H2BK1: variants seen among roughly 807,000 people sequenced by gnomAD.
H2BK1 encodes the protein histone H2B type 2-K1.
At chr7:151,207,946 C>T in the H2BK1 span, 27 of 1,303,858 alleles carry the variant, frequency 2.1e-5, no homozygotes, top group Middle Eastern at 1.3e-3. Flanking sequence ...CCCCAGGCAG[C>T]AGCAGACGCA....
the H2BK1 span, among the ~76,000 whole-genome samples, chr7:151,209,324 TCCCAGGCA>T: frequency 6.8e-6 from 1 of 147,448 alleles, no homozygotes; most frequent in Non-Finnish European, 1.5e-5. Context: ...ACAAGAGCAT[TCCCAGGCA>T]CCCAGGTTGT....
At chr7:151,208,153 A>C in the H2BK1 span, 36 of 927,652 alleles carry the variant, frequency 3.9e-5, no homozygotes, top group Non-Finnish European at 6.0e-5. Context: ...GGGCCAGGGG[A>C]GGGGGGGTCC....
chr7:151,210,425 G>T, the H2BK1 span: 4 of 360,814 alleles, frequency 1.1e-5, no homozygotes, highest in Admixed American at 4.7e-5. Flanking sequence ...AGGGGGGGGG[G>T]GGGCAGGTGG....
the H2BK1 span, chr7:151,208,193 T>TG: frequency 3.5e-6 from 5 of 1,418,544 alleles, no homozygotes; most frequent in East Asian, 6.9e-5. Context: ...AGCCCTGAGC[T>TG]GGGGGCTCTA....
the H2BK1 span, chr7:151,210,152 G>A: frequency 6.0e-5 from 24 of 398,782 alleles, no homozygotes; most frequent in Admixed American, 7.9e-4. Context: ...GCTTTGTGAG[G>A]GCATCCCTCA....
chr7:151,208,177 A>G, the H2BK1 span: 1 of 1,522,374 alleles, frequency 6.6e-7, no homozygotes, highest in East Asian at 2.3e-5. Flanking sequence ...CTACACTGCA[A>G]GCCTCAGCCC....
chr7:151,210,065 A>G, the H2BK1 span: 1 of 395,954 alleles, frequency 2.5e-6, no homozygotes, highest in Non-Finnish European at 4.5e-6. Context: ...AAGAGGGGCC[A>G]GGCCTGCCTG....
At chr7:151,210,202 G>A in the H2BK1 span, 2 of 399,014 alleles carry the variant, frequency 5.0e-6, no homozygotes, top group African/African-American at 4.1e-5. Flanking sequence ...TCAGCACCTT[G>A]TAGATATACA....
the H2BK1 span, chr7:151,208,150 G>A: frequency 6.3e-7 from 1 of 1,589,892 alleles, no homozygotes; most frequent in Non-Finnish European, 8.6e-7. Flanking sequence ...AAGGGGCCAG[G>A]GGAGGGGGGG....
the H2BK1 span, among the ~76,000 whole-genome samples, chr7:151,208,575 T>C: frequency 1.3e-5 from 2 of 152,222 alleles, no homozygotes; most frequent in African/African-American, 4.8e-5. Context: ...ATGCCCATCT[T>C]TGAATCTTGT....
chr7:151,209,505 T>C, the H2BK1 span, among the ~76,000 whole-genome samples: 1 of 152,202 alleles, frequency 6.6e-6, no homozygotes, highest in African/African-American at 2.4e-5. Flanking sequence ...AGCAGCAGCT[T>C]TGGATCCTCC....
At chr7:151,208,094 A>C in the H2BK1 span, 3 of 1,599,936 alleles carry the variant, frequency 1.9e-6, no homozygotes, top group African/African-American at 4.0e-5. Context: ...AGAGATGCCA[A>C]TGTCAGGGTG....
the H2BK1 span, among the ~76,000 whole-genome samples, chr7:151,209,889 A>C: frequency 6.6e-6 from 1 of 152,210 alleles, no homozygotes; most frequent in African/African-American, 2.4e-5. Context: ...CCTGGCATAG[A>C]AAGTGTGGTC....
the H2BK1 span, chr7:151,208,154 G>T: frequency 2.5e-6 from 4 of 1,582,380 alleles, no homozygotes; most frequent in Non-Finnish European, 3.5e-6. Context: ...GGCCAGGGGA[G>T]GGGGGGTCCT....
chr7:151,209,408 C>T, the H2BK1 span, among the ~76,000 whole-genome samples: 7 of 150,860 alleles, frequency 4.6e-5, no homozygotes, highest in Non-Finnish European at 8.9e-5. Context: ...CCTGCTCTAA[C>T]AGAGGGGTAA....
the H2BK1 span, chr7:151,210,114 C>T: frequency 5.0e-6 from 2 of 397,106 alleles, no homozygotes; most frequent in Admixed American, 4.4e-5. Context: ...CTCAAGGTCC[C>T]CACTTCCAGC....
At chr7:151,207,837 AACAGTTC>A in the H2BK1 span, 1 of 805,030 alleles carries the variant, frequency 1.2e-6, no homozygotes, top group Non-Finnish European at 2.2e-6. Context: ...AGGGCACAGA[AACAGTTC>A]ACCCTTTATT....
At chr7:151,210,207 T>C in the H2BK1 span, 2 of 399,058 alleles carry the variant, frequency 5.0e-6, no homozygotes, top group African/African-American at 4.1e-5. Context: ...ACCTTGTAGA[T>C]ATACATGGAG....
At chr7:151,207,893 G>T in the H2BK1 span, 1 of 1,047,194 alleles carries the variant, frequency 9.5e-7, no homozygotes, top group Non-Finnish European at 1.5e-6. Flanking sequence ...GGTGTACTTG[G>T]TGACAGCCTT....
Sources: allele counts gnomAD v4.1 joint callset (sites outside exome capture counted in the v4.1 genomes callset), GRCh38; gene constraint gnomAD v4.1.1; transcripts MANE v1.5; gene names NCBI Gene and HGNC (gene_info 2026-07-23, HGNC 2026-07-21).